Variants in PLA2G4E observed in about 807,000 individuals in gnomAD.
PLA2G4E encodes the protein phospholipase A2 group IVE.
In PLA2G4E, 84 loss-of-function variants were observed where a neutral mutation model predicts 109.1. That is an observed-to-expected ratio of 0.77 (90% CI 0.65 to 0.92). The LOEUF (loss-of-function observed/expected upper bound fraction) is 0.92. Among genes scored for constraint, PLA2G4E ranks in the 40% least tolerant of loss-of-function variants. The pLI, the probability that PLA2G4E is intolerant of heterozygous loss-of-function variation, is 0.00. For missense variants in PLA2G4E, 1,057 were observed against 1,076.6 expected, an observed-to-expected ratio of 0.98 and a Z score of 0.25; for synonymous variants, 469 against 436.1, an observed-to-expected ratio of 1.08 and a Z score of -0.94.
chr15:41,992,678 G>C, intron 13 of PLA2G4E, 59 bp downstream of exon 13: 1 of 1,531,608 alleles, frequency 6.5e-7, no homozygotes, highest in African/African-American at 1.4e-5. Context: ...CCCTGAGGAA[G>C]AAAGAGAGCC....
chr15:42,003,862 CCTTT>C (rs71108144), intron 5 of PLA2G4E, among the ~76,000 whole-genome samples: 74,900 of 150,222 alleles, frequency 0.5, 19,439 homozygotes, highest in Non-Finnish European at 0.59. Context: ...GCGGGGGTTG[CCTTT>C]CTTTCTTTCT....
exon 16 of PLA2G4E, chr15:41,988,110 G>C (rs374023742): frequency 3.1e-6 from 5 of 1,607,666 alleles, no homozygotes; most frequent in East Asian, 4.5e-5. Flanking sequence ...TGTGTGACAG[G>C]TTCCAGGCAT....
exon 13 of PLA2G4E, chr15:41,992,776 G>C: frequency 1.9e-6 from 3 of 1,613,068 alleles, no homozygotes; most frequent in Non-Finnish European, 1.7e-6. Context: ...GGCCCCAGAA[G>C]TCTGTAAAGG....
At chr15:42,037,223 C>A (rs1889233032) in intron 1 of PLA2G4E, among the ~76,000 whole-genome samples, 1 of 152,168 alleles carries the variant, frequency 6.6e-6, no homozygotes, top group Admixed American at 6.5e-5. Flanking sequence ...CTGGTGAGGC[C>A]CCACCTTCAG....
intron 1 of PLA2G4E, among the ~76,000 whole-genome samples, chr15:42,017,418 G>A (rs1704374): frequency 0.69 from 104,907 of 152,176 alleles, 37,610 homozygotes; most frequent in Non-Finnish European, 0.79. Flanking sequence ...CATCTGCTGC[G>A]TGCCAGCCAT....
chr15:42,038,628 T>C (rs1478631472), intron 1 of PLA2G4E, among the ~76,000 whole-genome samples: 1 of 152,232 alleles, frequency 6.6e-6, no homozygotes, highest in Non-Finnish European at 1.5e-5. Context: ...CCTCCTGCTG[T>C]GTGGCCCAGT....
chr15:42,047,336 T>G (rs1474701456), intron 1 of PLA2G4E, among the ~76,000 whole-genome samples: 1 of 152,148 alleles, frequency 6.6e-6, no homozygotes, highest in Admixed American at 6.5e-5. Context: ...GGTCCACATC[T>G]GGCAAGGGCC....
intron 2 of PLA2G4E, among the ~76,000 whole-genome samples, chr15:42,010,679 C>A (rs1200974666): frequency 6.6e-6 from 1 of 152,154 alleles, no homozygotes; most frequent in African/African-American, 2.4e-5. Context: ...ATGTTCAGAA[C>A]TTTGTCTCTC....
intron 11 of PLA2G4E, among the ~76,000 whole-genome samples, chr15:41,996,135 C>T (rs967968320): frequency 4.0e-5 from 6 of 151,854 alleles, no homozygotes; most frequent in African/African-American, 1.5e-4. Flanking sequence ...TTGCTTAAGC[C>T]CAGGAGTTCA....
chr15:42,037,971 G>A (rs1889247619), intron 1 of PLA2G4E, among the ~76,000 whole-genome samples: 1 of 152,204 alleles, frequency 6.6e-6, no homozygotes, highest in Non-Finnish European at 1.5e-5. Flanking sequence ...CAGGCTGAGT[G>A]GGCAGAACGA....
At chr15:41,984,000 T>C (rs537297835) in intron 19 of PLA2G4E, 26 bp from the exon 20 acceptor site, 4 of 1,569,496 alleles carry the variant, frequency 2.5e-6, no homozygotes, top group East Asian at 2.3e-5. Flanking sequence ...TGACTTGTTA[T>C]AGACTCTGTC....
At chr15:42,019,844 CAG>C (rs1020424220) in intron 1 of PLA2G4E, among the ~76,000 whole-genome samples, 6 of 152,238 alleles carry the variant, frequency 3.9e-5, no homozygotes, top group Admixed American at 1.3e-4. Flanking sequence ...CCAGGCCTGA[CAG>C]GGGCAGATGC....
chr15:42,041,909 T>A (rs1205819786), intron 1 of PLA2G4E, among the ~76,000 whole-genome samples: 1 of 152,178 alleles, frequency 6.6e-6, no homozygotes, highest in African/African-American at 2.4e-5. Flanking sequence ...TTTTGTAAAG[T>A]TTCAAGTCAG....
intron 1 of PLA2G4E, among the ~76,000 whole-genome samples, chr15:42,024,926 C>T (rs532820805): frequency 1.6e-4 from 24 of 152,160 alleles, no homozygotes; most frequent in South Asian, 2.1e-4. Context: ...AGGAGCCAGG[C>T]GCGGTGGCTC....
chr15:42,047,864 T>C (rs568385368), intron 1 of PLA2G4E, among the ~76,000 whole-genome samples: 1 of 152,348 alleles, frequency 6.6e-6, no homozygotes, highest in East Asian at 1.9e-4. Context: ...ACAAAAATCC[T>C]AATAAATTTT....
chr15:42,001,379 C>G (rs2068418017), intron 6 of PLA2G4E, among the ~76,000 whole-genome samples, 159 bp from the exon 7 acceptor site: 1 of 152,080 alleles, frequency 6.6e-6, no homozygotes, highest in Non-Finnish European at 1.5e-5. Flanking sequence ...TTTTCTGAAC[C>G]CAATCAAGGC....
exon 13 of PLA2G4E, chr15:41,992,959 C>G (rs1348308241): frequency 1.9e-6 from 3 of 1,608,910 alleles, no homozygotes; most frequent in Non-Finnish European, 2.5e-6. Context: ...TAGCCATGGT[C>G]CTGGAAAGAG....
chr15:42,022,367 C>T (rs55638864), intron 1 of PLA2G4E, among the ~76,000 whole-genome samples: 15,148 of 152,106 alleles, frequency 0.1, 1,000 homozygotes, highest in Middle Eastern at 0.14. Flanking sequence ...CGCGGGTGGG[C>T]GGGAGATGGT....
At chr15:42,000,372 CAGG>C in intron 7 of PLA2G4E, 90 bp from the exon 8 acceptor site, 1 of 1,284,492 alleles carries the variant, frequency 7.8e-7, no homozygotes, top group Non-Finnish European at 1.1e-6. Flanking sequence ...TGGAGGTATC[CAGG>C]AGGAGTTTAG....
Sources: allele counts gnomAD v4.1 joint callset (sites outside exome capture counted in the v4.1 genomes callset), GRCh38; gene constraint gnomAD v4.1.1; transcripts MANE v1.5; gene names NCBI Gene and HGNC (gene_info 2026-07-23, HGNC 2026-07-21).